Variants in ACOT7 observed in about 807,000 individuals in gnomAD.
ACOT7 encodes the protein cytosolic acyl coenzyme A thioester hydrolase.
ACOT7 carries 12 observed loss-of-function variants against 40.2 expected under a neutral mutation model. The observed-to-expected ratio is 0.30, with a 90% confidence interval of 0.19 to 0.48. ACOT7 has a LOEUF of 0.48. ACOT7 is among the 20% of genes least tolerant of loss of function. The probability of loss-of-function intolerance (pLI) is 0.99; values close to 1 mark genes in which losing one functional copy is unlikely to be tolerated. For synonymous variants in ACOT7, 228 were observed against 219.5 expected, an observed-to-expected ratio of 1.04 and a Z score of -0.34; for missense variants, 395 against 530.8, an observed-to-expected ratio of 0.74 and a Z score of 2.51.
intron 1 of ACOT7, among the ~76,000 whole-genome samples, chr1:6,378,419 G>A (rs561275397): frequency 2.0e-5 from 3 of 152,086 alleles, no homozygotes; most frequent in East Asian, 1.9e-4. Context: ...GGCAGGTACC[G>A]TTGGGCCTTC....
At chr1:6,300,556 C>T (rs1234486528) in intron 6 of ACOT7, among the ~76,000 whole-genome samples, 2 of 149,562 alleles carry the variant, frequency 1.3e-5, no homozygotes, top group East Asian at 2.0e-4. Context: ...CACCGGACCC[C>T]ACCCGATCCT....
chr1:6,345,171 A>G (rs1175186881), intron 2 of ACOT7, among the ~76,000 whole-genome samples: 1 of 152,228 alleles, frequency 6.6e-6, no homozygotes, highest in African/African-American at 2.4e-5. Context: ...AGGAGCAGGA[A>G]AAGCCCCACC....
At position 6,393,470 on chromosome 1, in the gene ACOT7, C is replaced by T. The variant is rs1278600640; in HGVS notation, c.-71G>A. ...CCTGCGCGCCGGGGGCAATCGAACG[C>T]GGCCTCCCCGCGCCGACCCCGCCCC... is the stretch of plus-strand genomic sequence containing the variant. On this transcript the variant is annotated 5_prime_UTR_variant, in exon 1 of 9. Coordinates refer to ENST00000361521, the MANE Select transcript of ACOT7 (RefSeq NM_007274.4). The T allele has an allele frequency of 2.5e-6, 3 of 1,184,722 alleles. No homozygotes were observed. Among genetic ancestry groups the T allele is most frequent in the African/African-American group, 1.6e-5 (1 of 62,738 alleles). 73.4% of individuals were successfully genotyped at this position (1,184,722 alleles called of 1,614,324 possible).
intron 8 of ACOT7, among the ~76,000 whole-genome samples, chr1:6,272,382 TCCAGGGGGCTCAGA>T (rs142897570): frequency 0.011 from 1,625 of 152,280 alleles, 24 homozygotes; most frequent in African/African-American, 0.037. Context: ...CCCAATCAAT[TCCAGGGGGCTCAGA>T]CCATGGAGGG....
chr1:6,370,834 AGAGT>A (rs1642120108), intron 1 of ACOT7, among the ~76,000 whole-genome samples: 1 of 139,380 alleles, frequency 7.2e-6, no homozygotes, highest in Non-Finnish European at 1.6e-5. Context: ...CTTTTGAGAC[AGAGT>A]CTCACTCTAT....
Position 6,393,735 on chromosome 1 carries a change from G to T in ACOT7, c.-336C>A, listed in dbSNP as rs980633442. The T allele has an allele frequency of 5.5e-6, 1 of 180,894 alleles. No individual in the cohort carries two copies. Among genetic ancestry groups the T allele is most frequent in the Non-Finnish European group, 1.1e-5 (1 of 87,324 alleles). The allele number at this position is 180,894 out of a possible 1,614,324, so 11.2% of individuals were successfully genotyped here. On this transcript the variant is annotated 5_prime_UTR_variant, in exon 1 of 9. Coordinates refer to ENST00000361521, the MANE Select transcript of ACOT7 (RefSeq NM_007274.4). ...AAGTGGCGGAGCAGGGCGGACTTGG[G>T]CCCTCACTCTCCGCGCGGCGGTAAA...
intron 2 of ACOT7, among the ~76,000 whole-genome samples, chr1:6,345,394 A>G (rs1201924133): frequency 6.6e-6 from 1 of 152,234 alleles, no homozygotes; most frequent in African/African-American, 2.4e-5. Flanking sequence ...CCTGGGTTCA[A>G]ATCCTAGCTC....
At chr1:6,363,603 GTC>G (rs543100762) in intron 1 of ACOT7, among the ~76,000 whole-genome samples, 1 of 151,776 alleles carries the variant, frequency 6.6e-6, no homozygotes. Context: ...GGCGTAAGCT[GTC>G]TCTCTCTCTC....
At chr1:6,321,598 T>C (rs946896261) in intron 5 of ACOT7, among the ~76,000 whole-genome samples, 4 of 152,200 alleles carry the variant, frequency 2.6e-5, no homozygotes, top group Non-Finnish European at 5.9e-5. Context: ...CACTGCAAGC[T>C]CTGCGTCCCG....
intron 1 of ACOT7, among the ~76,000 whole-genome samples, chr1:6,362,622 G>A (rs1014202131): frequency 1.3e-5 from 2 of 152,050 alleles, no homozygotes; most frequent in African/African-American, 4.8e-5. Context: ...ACTCCGCAAC[G>A]ACATGCCCTA....
intron 1 of ACOT7, among the ~76,000 whole-genome samples, chr1:6,356,586 A>G (rs1386565962): frequency 6.6e-6 from 1 of 152,146 alleles, no homozygotes; most frequent in Non-Finnish European, 1.5e-5. Context: ...GCACACGACC[A>G]GCTGGGAGTG....
In ACOT7 at chr1:6,282,552, C is replaced by T. The variant is rs1313482465; in HGVS notation, c.830-1266G>A. The stretch of plus-strand genomic sequence containing the variant: ...TTTTTAATGTGGCCTCTGGAACCCC[C>T]AGTGTCCTAGCTGCACCGAGACCAG... On this transcript the variant is annotated intron_variant, in intron 7 of 8. Coordinates refer to ENST00000361521, the MANE Select transcript of ACOT7 (RefSeq NM_007274.4). This position sits in a 1 kb window ranked among gnomAD's most constrained non-coding sequence, Gnocchi z 4.5. 6.6e-6 allele frequency among the ~76,000 whole-genome samples: 1 copy of T among 152,138 alleles called. No homozygotes were observed. The highest frequency in any genetic ancestry group is 1.5e-5 in the Non-Finnish European group (1 of 68,016).
intron 6 of ACOT7, among the ~76,000 whole-genome samples, chr1:6,298,608 G>A (rs956188302): frequency 6.6e-6 from 1 of 152,200 alleles, no homozygotes; most frequent in Non-Finnish European, 1.5e-5. Context: ...ATAAGATGCC[G>A]CTCCGGGTGC....
At chr1:6,347,189 C>T (rs1038417742) in intron 2 of ACOT7, among the ~76,000 whole-genome samples, 1 of 152,158 alleles carries the variant, frequency 6.6e-6, no homozygotes, top group African/African-American at 2.4e-5. Flanking sequence ...ACCCCCACGC[C>T]CTGGGGCTGC....
intron 1 of ACOT7, among the ~76,000 whole-genome samples, chr1:6,378,916 G>A (rs1280754948): frequency 1.3e-5 from 2 of 151,312 alleles, no homozygotes; most frequent in African/African-American, 4.8e-5. Flanking sequence ...TTTTCTTTGA[G>A]ACGGAGTCTT....
chr1:6,365,319 G>A (rs1304959742), intron 1 of ACOT7, among the ~76,000 whole-genome samples: 1 of 152,072 alleles, frequency 6.6e-6, no homozygotes, highest in East Asian at 1.9e-4. Context: ...AGATATTACG[G>A]GTTTGGTTCC....
chr1:6,314,065 C>T (rs1488654157), intron 6 of ACOT7, among the ~76,000 whole-genome samples: 1 of 152,140 alleles, frequency 6.6e-6, no homozygotes, highest in African/African-American at 2.4e-5. Context: ...GAAGGCGGAC[C>T]CCTCTAGGGA....
intron 2 of ACOT7, among the ~76,000 whole-genome samples, chr1:6,344,793 AAAG>A (rs952556928): frequency 5.3e-5 from 8 of 151,050 alleles, no homozygotes; most frequent in East Asian, 1.9e-4. Context: ...AAAAAAAAGA[AAAG>A]AAGAAGAAAA....
intron 6 of ACOT7, among the ~76,000 whole-genome samples, chr1:6,310,365 G>A (rs934493909): frequency 2.6e-5 from 4 of 152,210 alleles, no homozygotes; most frequent in Admixed American, 6.5e-5. Context: ...CTCGGGGTGC[G>A]ATCAACATTC....
Sources: gnomAD v4.1 joint callset for allele counts (sites outside exome capture counted in the v4.1 genomes callset) on GRCh38, gnomAD v4.1.1 for gene constraint, Gnocchi (gnomAD v3.1) non-coding constraint, MANE v1.5 for transcripts, NCBI Gene and HGNC (gene_info 2026-07-23, HGNC 2026-07-21) for gene names.